DTNB: variants seen among roughly 807,000 people sequenced by gnomAD.
DTNB encodes the protein dystrobrevin beta.
Under a neutral mutation model 90.7 loss-of-function variants are expected in DTNB, and 63 were observed. The ratio of observed to expected loss-of-function variants is 0.69; its 90% CI spans 0.57 to 0.86. The LOEUF (loss-of-function observed/expected upper bound fraction) is 0.86. Among genes scored for constraint, DTNB ranks in the 40% least tolerant of loss-of-function variants. DTNB has a pLI of 0.00. For missense variants in DTNB, 744 were observed against 807.1 expected, an observed-to-expected ratio of 0.92 and a Z score of 0.95; for synonymous variants, 277 against 286.7, an observed-to-expected ratio of 0.97 and a Z score of 0.34.
At chr2:25,602,919 T>C (rs2066211199) in intron 5 of DTNB, among the ~76,000 whole-genome samples, 1 of 152,226 alleles carries the variant, frequency 6.6e-6, no homozygotes, top group Non-Finnish European at 1.5e-5. Flanking sequence ...TTCTCACTTT[T>C]GGACACTAAA....
chr2:25,472,799 G>C (rs1403324938), intron 10 of DTNB, among the ~76,000 whole-genome samples: 2 of 152,216 alleles, frequency 1.3e-5, no homozygotes, highest in Non-Finnish European at 2.9e-5. Flanking sequence ...CAGGAGAATT[G>C]CTTGAACCCA....
At chr2:25,378,090 G>A (rs894570513) in intron 20 of DTNB, among the ~76,000 whole-genome samples, 1 of 152,202 alleles carries the variant, frequency 6.6e-6, no homozygotes, top group Non-Finnish European at 1.5e-5. Context: ...GTGCAACAAG[G>A]CGGTGGGGGC....
At chr2:25,416,332 C>T (rs905449436) in intron 16 of DTNB, among the ~76,000 whole-genome samples, 2 of 152,216 alleles carry the variant, frequency 1.3e-5, no homozygotes, top group Non-Finnish European at 1.5e-5. Flanking sequence ...TTGGGAAGCA[C>T]ATCTAATAAA....
intron 10 of DTNB, among the ~76,000 whole-genome samples, chr2:25,466,460 T>G (rs1044603414): frequency 6.6e-6 from 1 of 152,214 alleles, no homozygotes; most frequent in Non-Finnish European, 1.5e-5. Flanking sequence ...TCATACTCTC[T>G]CTGCCACACC....
chr2:25,410,939 TTTTTTTTTTTTTTA>T (rs2046436145), intron 16 of DTNB, among the ~76,000 whole-genome samples: 1 of 151,598 alleles, frequency 6.6e-6, no homozygotes, highest in South Asian at 2.1e-4. Context: ...CTTTTCTTTT[TTTTTTTTTTTTTTA>T]AACCCACTGT....
Position 25,482,778 on chromosome 2 carries a change from G to A in DTNB, c.1079+18C>T. On this transcript the variant is annotated intron_variant, in intron 10 of 20. Transcript: ENST00000406818. ...AGCAGAGGCCAACACCCAAGTCGAAGGCACAAGACATACGTACCTCTTGGT... is the reference window on the plus strand; with the variant it reads ...AGCAGAGGCCAACACCCAAGTCGAAAGCACAAGACATACGTACCTCTTGGT... 9 of 1,613,380 alleles carry A rather than the reference G, an allele frequency of 5.6e-6. No homozygotes were observed. The highest frequency in any genetic ancestry group is 6.8e-6 in the Non-Finnish European group (8 of 1,179,584).
At chr2:25,511,335 G>A (rs1483556809) in intron 9 of DTNB, among the ~76,000 whole-genome samples, 2 of 152,018 alleles carry the variant, frequency 1.3e-5, no homozygotes, top group African/African-American at 2.4e-5. Flanking sequence ...TCAAATTTAA[G>A]GTTACTTTTT....
At chr2:25,459,759 G>T (rs1375604140) in intron 10 of DTNB, among the ~76,000 whole-genome samples, 1 of 152,056 alleles carries the variant, frequency 6.6e-6, no homozygotes, top group Non-Finnish European at 1.5e-5. Context: ...CTCCCAAAGT[G>T]CTGGGATTAC....
At chr2:25,457,624 A>G (rs1455161802) in intron 10 of DTNB, among the ~76,000 whole-genome samples, 1 of 152,006 alleles carries the variant, frequency 6.6e-6, no homozygotes, top group East Asian at 1.9e-4. Flanking sequence ...CAGATACAGC[A>G]TTTACCCTGA....
In DTNB at chr2:25,636,513, T is replaced by G. The variant is rs147828852; in HGVS notation, c.148+2501A>C. On this transcript the variant is annotated intron_variant, in intron 3 of 20. Coordinates refer to ENST00000406818, the MANE Select transcript of DTNB (RefSeq NM_021907.5). ...ATGGCAGGAATTATAAAAACGAGAG[T>G]TGTTCTAAGGCAGTGGTTTTCGAAC... Among the ~76,000 whole-genome samples the G allele has an allele frequency of 4.2e-3, 643 of 152,176 alleles. 5 individuals carry two copies. The highest frequency in any genetic ancestry group is 0.014 in the African/African-American group (599 of 41,518).
At chr2:25,382,586 T>C (rs954306569) in intron 19 of DTNB, among the ~76,000 whole-genome samples, 3 of 140,528 alleles carry the variant, frequency 2.1e-5, no homozygotes, top group Admixed American at 7.9e-5. Context: ...TGGAGTGCAG[T>C]TGCGTGATCT....
chr2:25,382,071 A>C (rs1348393316), intron 19 of DTNB, among the ~76,000 whole-genome samples: 11 of 152,194 alleles, frequency 7.2e-5, no homozygotes, highest in Admixed American at 7.2e-4. Flanking sequence ...TTGGAGTTGA[A>C]CTCAGGCTGT....
At chr2:25,383,213 CTTT>C (rs34341817) in intron 19 of DTNB, among the ~76,000 whole-genome samples, 19 of 108,018 alleles carry the variant, frequency 1.8e-4, no homozygotes, top group Non-Finnish European at 2.7e-4. Context: ...CATTTTTGGT[CTTT>C]TTTTTTTTTT....
chr2:25,601,381 T>G (rs2065845096), intron 5 of DTNB, among the ~76,000 whole-genome samples: 1 of 152,154 alleles, frequency 6.6e-6, no homozygotes, highest in Admixed American at 6.5e-5. Flanking sequence ...AAAGGAAGCT[T>G]TCTCCCTTGT....
At chr2:25,590,718 T>C (rs1156838983) in intron 6 of DTNB, among the ~76,000 whole-genome samples, 1 of 152,180 alleles carries the variant, frequency 6.6e-6, no homozygotes, top group Non-Finnish European at 1.5e-5. Flanking sequence ...AGGAAGCGCA[T>C]GCTGACAGGT....
chr2:25,652,439 G>A (rs917009228), intron 2 of DTNB, among the ~76,000 whole-genome samples, 155 bp downstream of exon 2: 27 of 151,394 alleles, frequency 1.8e-4, no homozygotes, highest in Non-Finnish European at 3.7e-4. Flanking sequence ...TTTGGCTTGG[G>A]GTCCTTCAAC....
intron 8 of DTNB, among the ~76,000 whole-genome samples, chr2:25,553,256 C>T (rs950274697): frequency 1.3e-5 from 2 of 152,104 alleles, no homozygotes; most frequent in Admixed American, 6.6e-5. Flanking sequence ...TGTGACACAT[C>T]ACTCAACCAA....
chr2:25,399,738 C>G (rs1229506640), intron 16 of DTNB, among the ~76,000 whole-genome samples: 1 of 152,238 alleles, frequency 6.6e-6, no homozygotes. Flanking sequence ...CATTCATATC[C>G]GGGTGGAGTC....
At chr2:25,566,363 G>C (rs1258688912) in intron 8 of DTNB, among the ~76,000 whole-genome samples, 1 of 152,156 alleles carries the variant, frequency 6.6e-6, no homozygotes, top group Non-Finnish European at 1.5e-5. Context: ...AGCCTCAACT[G>C]ACACTTCGAT....
Sources: gnomAD v4.1 joint callset for allele counts (sites outside exome capture counted in the v4.1 genomes callset) on GRCh38, gnomAD v4.1.1 for gene constraint, MANE v1.5 for transcripts, NCBI Gene and HGNC (gene_info 2026-07-23, HGNC 2026-07-21) for gene names.